Variants in TMEM131 observed in about 807,000 individuals in gnomAD.
TMEM131 encodes the protein 2610524E03Rik.
Under a neutral mutation model 211.6 loss-of-function variants are expected in TMEM131, and 66 were observed. The observed-to-expected ratio is 0.31, with a 90% CI of 0.26 to 0.38. TMEM131 has a LOEUF of 0.38. TMEM131 is among the 10% of genes least tolerant of loss of function. The probability of loss-of-function intolerance (pLI) is 1.00; values close to 1 mark genes in which losing one functional copy is unlikely to be tolerated. For missense variants in TMEM131, 2,036 were observed against 2,299.3 expected (o/e 0.89, Z 2.34); for synonymous variants, 844 against 841.3 (o/e 1.00, Z -0.06).
intron 38 of TMEM131, 128 bp from the exon 39 acceptor site, chr2:97,759,877 G>T (rs140939335): frequency 1.4e-6 from 1 of 703,084 alleles, no homozygotes; most frequent in Non-Finnish European, 2.5e-6. Context: ...ATTAAAAACA[G>T]ACAAAAGGAA....
At chr2:97,819,214 GA>G (rs570540145) in intron 11 of TMEM131, among the ~76,000 whole-genome samples, 10 of 152,164 alleles carry the variant, frequency 6.6e-5, no homozygotes, top group Non-Finnish European at 1.5e-4. Flanking sequence ...TTTCTCTCTA[GA>G]CATGGCTCTG....
rs142412394 is a variant in TMEM131, at chr2:97,903,770, G to A, written c.290+4888C>T. ...GCAATCTCGGCTCAATGCAACTTCC[G>A]CCTCCCGGGTTCAAGCAATTCTCCT... On this transcript the variant is annotated intron_variant, in intron 3 of 40. Transcript: ENST00000186436. Among the ~76,000 whole-genome samples, 388 of 152,136 alleles carry A rather than the reference G, an allele frequency of 2.6e-3. 2 individuals are homozygous for A. Among genetic ancestry groups the A allele is most frequent in the Non-Finnish European group, 3.2e-3 (215 of 67,998 alleles).
Position 97,940,665 on chromosome 2 carries a change from G to A in TMEM131, c.188-13178C>T, listed in dbSNP as rs1241729382. ...CTACTAAAAATACAAAAACTTAGCC[G>A]GGTGTGGTGGCAGGCGCCTGTTAGT... On this transcript the variant is annotated intron_variant, in intron 1 of 40. Transcript: ENST00000186436. Among the ~76,000 whole-genome samples, 14 of 152,076 alleles carry A rather than the reference G, an allele frequency of 9.2e-5. No individual in the cohort carries two copies. In the East Asian group the frequency reaches 9.7e-4, roughly 10 times the overall value.
intron 11 of TMEM131, among the ~76,000 whole-genome samples, chr2:97,827,001 GAC>G (rs1682420702): frequency 6.8e-6 from 1 of 147,852 alleles, no homozygotes; most frequent in African/African-American, 2.5e-5. Context: ...TTCAGGACAG[GAC>G]GATAGATGGT....
chr2:97,844,596 A>G (rs1022151812), intron 5 of TMEM131, among the ~76,000 whole-genome samples: 2 of 152,162 alleles, frequency 1.3e-5, no homozygotes, highest in African/African-American at 4.8e-5. Context: ...GAGTTTTCAT[A>G]TAGATATACT....
intron 3 of TMEM131, among the ~76,000 whole-genome samples, chr2:97,893,577 C>T (rs905062294): frequency 1.3e-5 from 2 of 152,166 alleles, no homozygotes; most frequent in African/African-American, 4.8e-5. Flanking sequence ...TTTTAATGAT[C>T]GCCATTCTAA....
intron 1 of TMEM131, among the ~76,000 whole-genome samples, chr2:97,955,489 G>A (rs1405917999): frequency 1.3e-5 from 2 of 152,126 alleles, no homozygotes; most frequent in African/African-American, 2.4e-5. Context: ...GATCAGGAAG[G>A]AAGAATAAAA....
At chr2:97,779,497 T>C (rs1362902166) in intron 31 of TMEM131, among the ~76,000 whole-genome samples, 1 of 152,196 alleles carries the variant, frequency 6.6e-6, no homozygotes, top group African/African-American at 2.4e-5. Context: ...TGGGTTCCAG[T>C]AGAAAAACTG....
At chr2:97,986,573 A>G (rs1559492449) in intron 1 of TMEM131, among the ~76,000 whole-genome samples, 1 of 152,156 alleles carries the variant, frequency 6.6e-6, no homozygotes, top group Non-Finnish European at 1.5e-5. Flanking sequence ...ATTCTCAGTA[A>G]CCTATTTTCA....
intron 25 of TMEM131, among the ~76,000 whole-genome samples, chr2:97,800,267 T>C (rs940928155): frequency 2.0e-5 from 3 of 152,166 alleles, no homozygotes; most frequent in Non-Finnish European, 4.4e-5. Flanking sequence ...CTAAGCTCAC[T>C]CTAGGACCTC....
intron 1 of TMEM131, among the ~76,000 whole-genome samples, chr2:97,966,319 T>G (rs1160929034): frequency 1.3e-5 from 2 of 152,042 alleles, no homozygotes; most frequent in African/African-American, 2.4e-5. Context: ...AAGGGACAAT[T>G]TCTCCCTAAA....
At chr2:97,902,536 T>A (rs981922236) in intron 3 of TMEM131, among the ~76,000 whole-genome samples, 1 of 152,214 alleles carries the variant, frequency 6.6e-6, no homozygotes, top group African/African-American at 2.4e-5. Context: ...TGTTTGTGTA[T>A]ACTGTACATA....
intron 5 of TMEM131, among the ~76,000 whole-genome samples, chr2:97,857,063 A>G (rs1673879443): frequency 6.6e-6 from 1 of 152,238 alleles, no homozygotes; most frequent in African/African-American, 2.4e-5. Context: ...ACATTCATAT[A>G]TAGAAATAGT....
intron 40 of TMEM131, among the ~76,000 whole-genome samples, chr2:97,758,156 G>A (rs1018912409): frequency 2.0e-5 from 3 of 151,740 alleles, no homozygotes; most frequent in African/African-American, 7.3e-5. Context: ...AAAGTTTGCT[G>A]ACTTCTCTTT....
intron 31 of TMEM131, among the ~76,000 whole-genome samples, chr2:97,791,696 C>T (rs1421020989): frequency 6.6e-6 from 1 of 152,234 alleles, no homozygotes; most frequent in Non-Finnish European, 1.5e-5. Flanking sequence ...TCCCTGACCA[C>T]AGAAACTGTG....
Position 97,964,463 on chromosome 2 carries a change from AT to A in TMEM131, c.187+31012del, listed in dbSNP as rs1335261087. Among the ~76,000 whole-genome samples the A allele has an allele frequency of 2.0e-5, 3 of 152,358 alleles. No homozygotes were observed. In the East Asian group the frequency reaches 5.8e-4, roughly 29 times the overall value. ...GGGAAAGAAGTCAATGTTTTCCATA[AT>A]TTCTTTAAAACAGTCAAATAAATAT... On this transcript the variant is annotated intron_variant, in intron 1 of 40. Transcript: ENST00000186436.
At chr2:97,917,379 T>G (rs1352788525) in intron 2 of TMEM131, among the ~76,000 whole-genome samples, 1 of 152,124 alleles carries the variant, frequency 6.6e-6, no homozygotes, top group Non-Finnish European at 1.5e-5. Context: ...AGTCCCTACA[T>G]AAGAAAATCT....
intron 5 of TMEM131, among the ~76,000 whole-genome samples, chr2:97,845,182 T>C (rs1295558867): frequency 2.0e-5 from 3 of 152,084 alleles, no homozygotes; most frequent in African/African-American, 7.2e-5. Flanking sequence ...AGAGTGAGAT[T>C]ATCAACTAGC....
At chr2:97,994,496 T>G (rs940954866) in intron 1 of TMEM131, among the ~76,000 whole-genome samples, 3 of 152,246 alleles carry the variant, frequency 2.0e-5, no homozygotes, top group African/African-American at 7.2e-5. Context: ...GTGACTTTAG[T>G]CATAAAGTAG....
Sources: gnomAD v4.1 joint callset for allele counts (sites outside exome capture counted in the v4.1 genomes callset) on GRCh38, gnomAD v4.1.1 for gene constraint, MANE v1.5 for transcripts, NCBI Gene and HGNC (gene_info 2026-07-23, HGNC 2026-07-21) for gene names.